The following MTA3 variants were observed in gnomAD, a reference collection of about 807,000 sequenced individuals.
MTA3 encodes metastasis associated 1 family member 3.
MTA3 carries 34 observed loss-of-function variants against 83.5 expected under a neutral mutation model. The observed-to-expected ratio is 0.41, with a 90% CI of 0.31 to 0.54. The LOEUF (loss-of-function observed/expected upper bound fraction) is 0.54. MTA3 is among the 20% of genes least tolerant of loss of function. The probability of loss-of-function intolerance (pLI) is 0.33; values close to 1 mark genes in which losing one functional copy is unlikely to be tolerated. For missense variants in MTA3, 761 were observed against 726.4 expected (o/e 1.05, Z -0.55); for synonymous variants, 303 against 252.7 (o/e 1.20, Z -1.89).
rs192486370 is a variant in MTA3, at chr2:42,515,202, G to A, written c.-141+19948G>A. 4.0e-4 allele frequency among the ~76,000 whole-genome samples: 61 copies of A among 152,116 alleles called. 2 individuals carry two copies. In the South Asian group the frequency reaches 0.011, roughly 27 times the overall value. ...GCCTCCTGAGTAGCTGGGATTACAG[G>A]TGCCCACCACCACACCTGGCTAATT... is the stretch of plus-strand genomic sequence containing the variant. On this transcript the variant is annotated intron_variant, in intron 2 of 17. Coordinates refer to the MTA3 transcript ENST00000405592.
chr2:42,755,610 C>T lies in MTA3; in HGVS notation c.*2211C>T. 2 of 985,648 alleles carry T rather than the reference C, an allele frequency of 2.0e-6. No homozygotes were observed. The highest frequency in any genetic ancestry group is 2.4e-6 in the Non-Finnish European group (2 of 830,078). The allele number at this position is 985,648 out of a possible 1,614,324, so 61.1% of individuals were successfully genotyped here. On this transcript the variant is annotated 3_prime_UTR_variant, in exon 17 of 17. Transcript: ENST00000405094. Reference sequence around the variant, plus strand: ...TCCCTTTGTCTCTGGAAACTGCCCCCTCGTTCTGACAGAATCCCCCAGGCA... The same window carrying T: ...TCCCTTTGTCTCTGGAAACTGCCCCTTCGTTCTGACAGAATCCCCCAGGCA...
At chr2:42,731,777 A>G (rs998381925) in intron 16 of MTA3, among the ~76,000 whole-genome samples, 3 of 152,154 alleles carry the variant, frequency 2.0e-5, no homozygotes, top group Non-Finnish European at 1.5e-5. Context: ...CATTAACCCA[A>G]AAGTCCACAG....
chr2:42,509,992 T>TC (rs1674821795), intron 2 of MTA3, among the ~76,000 whole-genome samples: 1 of 151,910 alleles, frequency 6.6e-6, no homozygotes. Context: ...GGCACTGCTT[T>TC]CCCCCCATAC....
intron 2 of MTA3, among the ~76,000 whole-genome samples, chr2:42,548,810 A>AAAATATATATATATATATAAT (rs1378498420): frequency 1.5e-5 from 1 of 66,488 alleles, no homozygotes; most frequent in Non-Finnish European, 2.6e-5. Context: ...CTCAAAAAAA[A>AAAATATATATATATATATAAT]ATATATATAT....
At chr2:42,621,399 T>G (rs950952600) in intron 4 of MTA3, among the ~76,000 whole-genome samples, 7 of 152,202 alleles carry the variant, frequency 4.6e-5, no homozygotes, top group African/African-American at 1.4e-4. Flanking sequence ...ATTAATCCAT[T>G]TAACCCTGAG....
intron 8 of MTA3, among the ~76,000 whole-genome samples, chr2:42,673,368 A>G (rs990800105): frequency 1.3e-5 from 2 of 152,220 alleles, no homozygotes; most frequent in African/African-American, 4.8e-5. Flanking sequence ...TAGGATGTTC[A>G]ACTTAACAAT....
At position 42,719,297 on chromosome 2, in the gene MTA3, C is replaced by CA. The variant is rs532426031; in HGVS notation, c.1612+228dup. 2.7e-3 allele frequency among the ~76,000 whole-genome samples: 409 copies of CA among 152,000 alleles called. 2 individuals are homozygous for CA. The highest frequency in any genetic ancestry group is 9.6e-3 in the African/African-American group (397 of 41,464). On this transcript the variant is annotated intron_variant, in intron 15 of 16. Coordinates refer to ENST00000405094, the MANE Select transcript of MTA3 (RefSeq NM_001330442.2). Reference sequence around the variant, plus strand: ...ATTTATGATATATGTCTACTTTTTCCAAAAAGCCATCGAATAAAAATGTAA... The same window carrying CA: ...ATTTATGATATATGTCTACTTTTTCCAAAAAAGCCATCGAATAAAAATGTAA...
intron 2 of MTA3, among the ~76,000 whole-genome samples, chr2:42,556,014 G>C (rs1012714540): frequency 1.2e-4 from 18 of 152,122 alleles, no homozygotes; most frequent in Non-Finnish European, 2.2e-4. Context: ...GGAAGTTGCA[G>C]TGAGCCGACA....
At chr2:42,669,091 T>C (rs911171869) in intron 8 of MTA3, among the ~76,000 whole-genome samples, 1 of 151,334 alleles carries the variant, frequency 6.6e-6, no homozygotes, top group Non-Finnish European at 1.5e-5. Context: ...AGATTTTTTT[T>C]TTTTTTTTTT....
Position 42,614,850 on chromosome 2 carries a change from C to T in MTA3, c.317+5266C>T, listed in dbSNP as rs139345854. Among the ~76,000 whole-genome samples, 24 of 151,892 alleles carry T rather than the reference C, an allele frequency of 1.6e-4. No homozygotes were observed. In the East Asian group the frequency reaches 4.3e-3, roughly 27 times the overall value. On this transcript the variant is annotated intron_variant, in intron 4 of 16. Coordinates refer to ENST00000405094, the MANE Select transcript of MTA3 (RefSeq NM_001330442.2). ...ATTAGCATGGCATGGCAGCGTATGC[C>T]TGTATTCCCAGAAGTATTTGGGAAG...
intron 2 of MTA3, among the ~76,000 whole-genome samples, chr2:42,504,122 GT>G (rs1306782552): frequency 5.9e-5 from 9 of 151,904 alleles, no homozygotes; most frequent in Admixed American, 5.9e-4. Context: ...TAGAGATGGG[GT>G]TTCGCTGTGT....
chr2:42,554,183 G>A (rs1431723917), intron 2 of MTA3, among the ~76,000 whole-genome samples: 7 of 151,872 alleles, frequency 4.6e-5, no homozygotes, highest in African/African-American at 7.3e-5. Flanking sequence ...GCAGTGAGCC[G>A]AGATCACGTC....
intron 9 of MTA3, among the ~76,000 whole-genome samples, chr2:42,686,943 AC>A (rs1397057480): frequency 6.8e-6 from 1 of 147,646 alleles, no homozygotes; most frequent in Non-Finnish European, 1.5e-5. Context: ...ATATGGTGAA[AC>A]CCCATCTCTA....
intron 6 of MTA3, among the ~76,000 whole-genome samples, chr2:42,647,017 G>A (rs373887682): frequency 5.3e-5 from 8 of 151,230 alleles, no homozygotes; most frequent in Admixed American, 4.6e-4. Flanking sequence ...TTAGCCGGGC[G>A]TGGTGGCGGG....
rs1192386551 is a variant in MTA3 at position 42,726,741 on chromosome 2, G to C, written c.1759+3706G>C. ...TCTTATTTCCTCCCTGAAAATCACG[G>C]TCTTTCCTGGCCCTGATGAAGGCCT... On this transcript the variant is annotated intron_variant, in intron 16 of 16. Coordinates refer to ENST00000405094, the MANE Select transcript of MTA3 (RefSeq NM_001330442.2). Among the ~76,000 whole-genome samples the C allele has an allele frequency of 2.0e-5, 3 of 152,312 alleles. No homozygotes were observed. In the East Asian group the frequency reaches 5.8e-4, roughly 29 times the overall value.
chr2:42,671,935 T>C (rs1012467197), intron 8 of MTA3, among the ~76,000 whole-genome samples: 1 of 152,212 alleles, frequency 6.6e-6, no homozygotes, highest in African/African-American at 2.4e-5. Context: ...TTTCACCTTA[T>C]AGCAGTCTAG....
At chr2:42,550,304 G>A (rs1406452376) in intron 2 of MTA3, among the ~76,000 whole-genome samples, 1 of 152,156 alleles carries the variant, frequency 6.6e-6, no homozygotes, top group Admixed American at 6.6e-5. Flanking sequence ...AAATTTGTGG[G>A]TGGAAGACAT....
chr2:42,565,349 CTT>C (rs773703863), upstream of MTA3, among the ~76,000 whole-genome samples: 45 of 133,856 alleles, frequency 3.4e-4, no homozygotes, highest in Admixed American at 5.4e-4. Context: ...AACTGGCTAA[CTT>C]TTTTTTTTTT....
In MTA3 at chr2:42,733,810, T is replaced by C. The variant is rs1010690389; in HGVS notation, c.1759+10775T>C. Among the ~76,000 whole-genome samples the C allele has an allele frequency of 2.6e-5, 4 of 152,130 alleles. No homozygotes were observed. The East Asian group carries it at 7.7e-4, about 29-fold the overall frequency. On this transcript the variant is annotated intron_variant, in intron 16 of 16. Coordinates refer to ENST00000405094, the MANE Select transcript of MTA3 (RefSeq NM_001330442.2). ...CCACTGCACCTGGCCCAGGAGCATA[T>C]TGTTTAATTTCCATGTGTTTGTGTA...
Sources: allele counts gnomAD v4.1 joint callset (sites outside exome capture counted in the v4.1 genomes callset), GRCh38; gene constraint gnomAD v4.1.1; transcripts MANE v1.5; gene names NCBI Gene and HGNC (gene_info 2026-07-23, HGNC 2026-07-21).